Variants in DMD observed in about 807,000 individuals in gnomAD.
DMD encodes dystrophin.
Under a neutral mutation model 330.1 loss-of-function variants are expected in DMD, and 63 were observed. The ratio of observed to expected loss-of-function variants is 0.19; its 90% CI spans 0.16 to 0.24. The LOEUF is 0.24. Ranked by LOEUF, DMD falls within the 10% of genes least tolerant of loss-of-function variation. The pLI is 1.00. For missense variants in DMD, 3,344 were observed against 2,684.1 expected, an observed-to-expected ratio of 1.25 and a Z score of -5.43; for synonymous variants, 1,223 against 959.8, an observed-to-expected ratio of 1.27 and a Z score of -5.07.
intron 2 of DMD, among the ~76,000 whole-genome samples, chrX:32,912,841 T>C (rs2087406368): frequency 2.7e-5 from 3 of 111,628 alleles, no homozygotes; most frequent in Non-Finnish European, 5.6e-5. Flanking sequence ...TGGCTTCAAG[T>C]TACTGTGGAA....
intron 3 of DMD, 30 bp downstream of exon 3, chrX:32,849,698 A>T: frequency 9.3e-7 from 1 of 1,069,840 alleles, no homozygotes; most frequent in Non-Finnish European, 1.3e-6. Flanking sequence ...CTAAGTTTAA[A>T]GTTAACTTTC....
chrX:32,531,538 G>T (rs942525167), intron 17 of DMD, among the ~76,000 whole-genome samples: 13 of 111,370 alleles, frequency 1.2e-4, no homozygotes, highest in Non-Finnish European at 3.8e-5. Context: ...CAGGTCACAG[G>T]CTTTCAAAAA....
chrX:31,283,078 T>C (rs751570029), intron 62 of DMD, among the ~76,000 whole-genome samples: 147 of 112,090 alleles, frequency 1.3e-3, no homozygotes, highest in Non-Finnish European at 2.2e-3. Context: ...ATAATGAATT[T>C]AATCAAATAT....
rs965260853 is a variant in DMD at position 33,003,119 on chromosome X, G to A, written c.93+17020C>T. 5.4e-5 allele frequency among the ~76,000 whole-genome samples: 6 copies of A among 110,152 alleles called. No homozygotes were observed. In the Admixed American group the frequency reaches 5.9e-4, roughly 11 times the overall value. ...GAGAAGTATACACCGTACCCAATAT[G>A]TAGGCTTTTATCTCTCACCCATCTC... On this transcript the variant is annotated intron_variant, in intron 2 of 78. Transcript: ENST00000357033.
rs1038213947 is a variant in DMD at position 32,699,136 on chromosome X, A to T, written c.807T>A (p.His269Gln). 8.3e-5 allele frequency: 100 copies of T among 1,208,540 alleles called. No homozygotes were observed. Among genetic ancestry groups the T allele is most frequent in the Non-Finnish European group, 1.1e-4 (99 of 894,091 alleles). Reference sequence around the variant, plus strand: ...CCTGTTGAGAATAGTGCATTTGATGATGTAACTGAAAATGTTCTTCTTTAG... The same window carrying T: ...CCTGTTGAGAATAGTGCATTTGATGTTGTAACTGAAAATGTTCTTCTTTAG... Reference protein sequence around the residue: ...KVTKEEHFQLHHQMHYSQQIT... With the variant: ...KVTKEEHFQLQHQMHYSQQIT... The change falls in exon 8 of 79, where the codon CAT (histidine) becomes CAA (glutamine). Residue 269 changes from histidine to glutamine, a missense_variant. By Grantham distance (24) the His-to-Gln change is conservative. Transcript: ENST00000357033.
At chrX:33,178,338 G>A (rs2049787801) in intron 1 of DMD, among the ~76,000 whole-genome samples, 1 of 111,772 alleles carries the variant, frequency 8.9e-6, no homozygotes, top group East Asian at 2.8e-4. Flanking sequence ...TGCACAGAAA[G>A]ATGGAAGGTT....
chrX:31,205,255 C>G (rs1011554124), intron 66 of DMD, among the ~76,000 whole-genome samples: 2 of 111,925 alleles, frequency 1.8e-5, no homozygotes, highest in Non-Finnish European at 3.8e-5. Context: ...ACTTTAAACT[C>G]TAGGAAATTA....
At chrX:32,017,598 G>A in intron 44 of DMD, among the ~76,000 whole-genome samples, 2 of 111,674 alleles carry the variant, frequency 1.8e-5, no homozygotes, top group Middle Eastern at 9.3e-3. Context: ...TGATTAACTC[G>A]GTGAGTCTAG....
intron 21 of DMD, among the ~76,000 whole-genome samples, chrX:32,482,178 T>A (rs984930657): frequency 1.8e-5 from 2 of 112,032 alleles, no homozygotes; most frequent in African/African-American, 6.5e-5. Flanking sequence ...CATTTTTTTC[T>A]TTGTTGAAAC....
At chrX:32,033,603 CAGAAAGAAAGAAAGAAAGAA>C (rs753337646) in intron 44 of DMD, among the ~76,000 whole-genome samples, 2 of 59,938 alleles carry the variant, frequency 3.3e-5, no homozygotes, top group Non-Finnish European at 5.9e-5. Flanking sequence ...GACAGACAGA[CAGAAAGAAAGAAAGAAAGAA>C]AGAAAGAAAG....
chrX:32,729,253 C>T (rs1342282147), intron 7 of DMD, among the ~76,000 whole-genome samples: 1 of 111,847 alleles, frequency 8.9e-6, no homozygotes, highest in Non-Finnish European at 1.9e-5. Context: ...ATATTCCAAA[C>T]TGAAAATATC....
chrX:33,017,935 T>C (rs1371779857), intron 2 of DMD, among the ~76,000 whole-genome samples: 1 of 112,288 alleles, frequency 8.9e-6, no homozygotes, highest in Non-Finnish European at 1.9e-5. Flanking sequence ...ATGATATATA[T>C]ATCACAATTA....
intron 43 of DMD, among the ~76,000 whole-genome samples, chrX:32,234,093 C>T (rs878958634): frequency 9.0e-6 from 1 of 111,707 alleles, no homozygotes; most frequent in Admixed American, 9.5e-5. Context: ...ACCAAATAGA[C>T]AGCAGGGACG....
rs753463270 is a variant in DMD, at chrX:31,589,029, C to T, written c.8217+38644G>A. On this transcript the variant is annotated intron_variant, in intron 55 of 78. Coordinates refer to ENST00000357033, the MANE Select transcript of DMD (RefSeq NM_004006.3). Reference sequence around the variant, plus strand: ...ATGCCCTTCATTTCAATCCAATTTACCTTTTTAAATGAAGTCACTCCTCTG... The same window carrying T: ...ATGCCCTTCATTTCAATCCAATTTATCTTTTTAAATGAAGTCACTCCTCTG... Among the ~76,000 whole-genome samples, 9 of 108,889 alleles carry T rather than the reference C, an allele frequency of 8.3e-5. No homozygotes were observed. The South Asian group carries it at 3.6e-3, about 43-fold the overall frequency. The allele number at this position is 108,889 out of a possible 115,157, so 94.6% of individuals were successfully genotyped here.
rs180721887 is a variant in DMD, at chrX:32,633,742, G to T, written c.1331+10390C>A. The stretch of plus-strand genomic sequence containing the variant: ...TGCTCAGCTGCTGGGGAGGCCTCAG[G>T]AAACTTACAATTATGGCAGAAGGTG... On this transcript the variant is annotated intron_variant, in intron 11 of 78. Transcript: ENST00000357033. Among the ~76,000 whole-genome samples the T allele has an allele frequency of 4.5e-5, 5 of 111,849 alleles. No homozygotes were observed. In the South Asian group the frequency reaches 1.5e-3, roughly 33 times the overall value.
intron 59 of DMD, among the ~76,000 whole-genome samples, chrX:31,464,004 T>C (rs1018929172): frequency 9.0e-6 from 1 of 111,447 alleles, no homozygotes; most frequent in African/African-American, 3.3e-5. Flanking sequence ...AATCTTTTAT[T>C]ACCCGAGACT....
chrX:33,147,853 A>C (rs1292157852), intron 1 of DMD, among the ~76,000 whole-genome samples: 1 of 112,117 alleles, frequency 8.9e-6, no homozygotes, highest in Non-Finnish European at 1.9e-5. Flanking sequence ...CTTAAAATAT[A>C]TCTTTTCTTT....
At chrX:31,981,461 A>C (rs2095475524) in intron 44 of DMD, among the ~76,000 whole-genome samples, 1 of 111,731 alleles carries the variant, frequency 9.0e-6, no homozygotes, top group Admixed American at 9.5e-5. Context: ...GGGACAGAGA[A>C]CTGAGGGCAA....
chrX:31,244,776 G>C (rs766798695), intron 63 of DMD, among the ~76,000 whole-genome samples: 9 of 111,740 alleles, frequency 8.1e-5, no homozygotes, highest in Non-Finnish European at 1.7e-4. Flanking sequence ...CTATTTCTGG[G>C]TACTGAGATG....
Sources: allele counts gnomAD v4.1 joint callset (sites outside exome capture counted in the v4.1 genomes callset), GRCh38; gene constraint gnomAD v4.1.1; transcripts MANE v1.5; gene names NCBI Gene and HGNC (gene_info 2026-07-23, HGNC 2026-07-21).